The following WDR41 variants were observed in gnomAD, a reference collection of about 807,000 sequenced individuals.
The protein encoded by WDR41 is WD repeat domain 41.
Under a neutral mutation model 69.3 loss-of-function variants are expected in WDR41, and 63 were observed. The ratio of observed to expected loss-of-function variants is 0.91; its 90% CI spans 0.74 to 1.12. The LOEUF (loss-of-function observed/expected upper bound fraction) is 1.12, where lower values mean the gene tolerates loss of function less well. Among genes scored for constraint, WDR41 ranks in the 50% most tolerant of loss-of-function variants. The probability of loss-of-function intolerance (pLI) is 0.00; values close to 1 mark genes in which losing one functional copy is unlikely to be tolerated. For synonymous variants in WDR41, 185 were observed against 192.1 expected (o/e 0.96, Z 0.31); for missense variants, 543 against 534.5 (o/e 1.02, Z -0.16).
At chr5:77,570,240 C>A (rs892100113) in intron 1 of WDR41, among the ~76,000 whole-genome samples, 1 of 151,984 alleles carries the variant, frequency 6.6e-6, no homozygotes, top group Non-Finnish European at 1.5e-5. Context: ...ATAGGCTATA[C>A]TATTGAATTT....
At chr5:77,545,654 A>T in intron 1 of WDR41, 1 of 422,680 alleles carries the variant, frequency 2.4e-6, no homozygotes, top group Non-Finnish European at 4.2e-6. Context: ...GAGATCATTG[A>T]CTTTTTCCTG....
intron 1 of WDR41, chr5:77,546,224 C>A: frequency 2.5e-6 from 1 of 397,774 alleles, no homozygotes; most frequent in Non-Finnish European, 4.5e-6. Flanking sequence ...ACTCTAGAGT[C>A]TCCGTGCAAA....
intron 5 of WDR41, among the ~76,000 whole-genome samples, chr5:77,457,314 GAGGATA>G (rs1799873916): frequency 6.6e-6 from 1 of 152,054 alleles, no homozygotes; most frequent in South Asian, 2.1e-4. Context: ...ATATTTTGTT[GAGGATA>G]ATATATGTTT....
At chr5:77,547,752 T>G (rs1743225084) in intron 1 of WDR41, among the ~76,000 whole-genome samples, 1 of 152,076 alleles carries the variant, frequency 6.6e-6, no homozygotes, top group Admixed American at 6.6e-5. Context: ...AAAATACCAC[T>G]ATTATTCCTC....
At chr5:77,437,232 C>A (rs1798973241) in intron 11 of WDR41, 104 bp downstream of exon 11, 1 of 944,402 alleles carries the variant, frequency 1.1e-6, no homozygotes, top group South Asian at 1.4e-5. Context: ...CTATTTGGAG[C>A]ATTTCTATAT....
chr5:77,480,681 C>G (rs141939335), intron 2 of WDR41, among the ~76,000 whole-genome samples: 9 of 93,612 alleles, frequency 9.6e-5, no homozygotes, highest in African/African-American at 3.1e-4. Context: ...TTGTAGGGTG[C>G]GGGGAGGGGG....
At chr5:77,478,674 T>C (rs1158075497) in intron 2 of WDR41, among the ~76,000 whole-genome samples, 2 of 152,166 alleles carry the variant, frequency 1.3e-5, no homozygotes, top group Admixed American at 6.5e-5. Context: ...TGGGACGTAT[T>C]TCAAAATAAT....
chr5:77,475,125 G>A (rs372884760), intron 2 of WDR41, among the ~76,000 whole-genome samples: 3 of 152,140 alleles, frequency 2.0e-5, no homozygotes, highest in Non-Finnish European at 2.9e-5. Context: ...AAAAAACGGC[G>A]CACCAGGAGA....
intron 1 of WDR41, among the ~76,000 whole-genome samples, chr5:77,603,300 C>T (rs1300977635): frequency 6.6e-6 from 1 of 152,186 alleles, no homozygotes; most frequent in African/African-American, 2.4e-5. Flanking sequence ...TTTTCATTTG[C>T]ATTTCCCTGA....
intron 1 of WDR41, among the ~76,000 whole-genome samples, chr5:77,513,203 T>A (rs1049476902): frequency 3.3e-5 from 5 of 152,216 alleles, no homozygotes; most frequent in Admixed American, 1.3e-4. Context: ...AACTTCTGTT[T>A]AATGAAATTT....
intron 2 of WDR41, among the ~76,000 whole-genome samples, chr5:77,476,129 A>C (rs1247665053): frequency 5.2e-5 from 2 of 38,760 alleles, no homozygotes; most frequent in Non-Finnish European, 8.7e-5. Context: ...AGAAAAAAAG[A>C]ATAAAAAGAA....
intron 1 of WDR41, among the ~76,000 whole-genome samples, chr5:77,515,091 C>T (rs942684207): frequency 5.9e-5 from 9 of 151,902 alleles, no homozygotes; most frequent in African/African-American, 1.7e-4. Flanking sequence ...ATAAATTAAC[C>T]TTAGCTTATT....
intron 2 of WDR41, among the ~76,000 whole-genome samples, chr5:77,466,431 G>A (rs541158598): frequency 2.0e-4 from 30 of 151,884 alleles, no homozygotes; most frequent in Middle Eastern, 6.8e-3. Context: ...AGGACTCAAG[G>A]TCTTAAGTGT....
intron 5 of WDR41, among the ~76,000 whole-genome samples, chr5:77,454,341 G>A (rs1181670733): frequency 8.5e-5 from 13 of 152,166 alleles, no homozygotes; most frequent in Admixed American, 8.5e-4. Context: ...CAGATAGCAG[G>A]AGCCTCAGGA....
At chr5:77,458,383 G>A (rs899510438) in intron 5 of WDR41, among the ~76,000 whole-genome samples, 1 of 152,076 alleles carries the variant, frequency 6.6e-6, no homozygotes, top group African/African-American at 2.4e-5. Context: ...CCAATATGGA[G>A]ATCAGTTATC....
chr5:77,446,939 A>G (rs163014), intron 8 of WDR41, among the ~76,000 whole-genome samples: 85,292 of 151,716 alleles, frequency 0.56, 24,511 homozygotes, highest in African/African-American at 0.68. Context: ...TAATGAAACT[A>G]AAGAGCTTCT....
intron 1 of WDR41, among the ~76,000 whole-genome samples, chr5:77,580,639 G>T (rs1580024085): frequency 1.3e-5 from 2 of 151,800 alleles, no homozygotes; most frequent in African/African-American, 4.8e-5. Context: ...CAGTACAAAA[G>T]AAATGGAAAA....
chr5:77,494,937 T>C (rs163020), upstream of WDR41, among the ~76,000 whole-genome samples: 73,655 of 151,980 alleles, frequency 0.48, 18,368 homozygotes, highest in African/African-American at 0.59. Flanking sequence ...AAAAGATAGA[T>C]ATCACACAAA....
chr5:77,452,649 G>A (rs1799671761), intron 6 of WDR41: 1 of 152,172 alleles, frequency 6.6e-6, no homozygotes, highest in Admixed American at 6.5e-5. Context: ...AAACCCAAAT[G>A]ATGAACAGCT....
Sources: allele counts gnomAD v4.1 joint callset (sites outside exome capture counted in the v4.1 genomes callset), GRCh38; gene constraint gnomAD v4.1.1; transcripts MANE v1.5; gene names NCBI Gene and HGNC (gene_info 2026-07-23, HGNC 2026-07-21).